The following PPFIA1 variants were observed in gnomAD, a reference collection of about 807,000 sequenced individuals.
The protein encoded by PPFIA1 is PPFI scaffold protein A1.
Under a neutral mutation model 149.9 loss-of-function variants are expected in PPFIA1, and 25 were observed. The observed-to-expected ratio is 0.17, with a 90% confidence interval of 0.12 to 0.23. The LOEUF (loss-of-function observed/expected upper bound fraction) is 0.23. Among genes scored for constraint, PPFIA1 ranks in the 10% least tolerant of loss-of-function variants. PPFIA1 has a pLI of 1.00. For missense variants in PPFIA1, 1,362 were observed against 1,506.5 expected (o/e 0.90, Z 1.59); for synonymous variants, 549 against 552.8 (o/e 0.99, Z 0.10).
At chr11:70,344,179 G>C (rs533285546) in intron 15 of PPFIA1, among the ~76,000 whole-genome samples, 27 of 152,338 alleles carry the variant, frequency 1.8e-4, no homozygotes, top group Admixed American at 1.2e-3. Flanking sequence ...CATAGCTGGA[G>C]GGTGCTGAAG....
At chr11:70,301,812 C>G (rs1275017065) in intron 2 of PPFIA1, among the ~76,000 whole-genome samples, 1 of 152,158 alleles carries the variant, frequency 6.6e-6, no homozygotes, top group East Asian at 1.9e-4. Context: ...GAGGGTGAAA[C>G]CATTCATAGA....
chr11:70,294,315 G>A (rs958959820), intron 2 of PPFIA1, among the ~76,000 whole-genome samples: 1 of 152,102 alleles, frequency 6.6e-6, no homozygotes, highest in South Asian at 2.1e-4. Context: ...GAAGACCTGA[G>A]TGAACGTTTG....
chr11:70,330,921 A>G (rs1019623089), intron 8 of PPFIA1, among the ~76,000 whole-genome samples: 1 of 152,062 alleles, frequency 6.6e-6, no homozygotes, highest in Non-Finnish European at 1.5e-5. Flanking sequence ...TGGGCCACAG[A>G]ACGAGACCCC....
chr11:70,273,407 G>C (rs748566017), intron 2 of PPFIA1, among the ~76,000 whole-genome samples: 6 of 152,330 alleles, frequency 3.9e-5, no homozygotes, highest in Middle Eastern at 6.8e-3. Context: ...AACTAGAAGA[G>C]TGTAAGGTGA....
At chr11:70,377,650 C>G (rs1184267367) in intron 25 of PPFIA1, among the ~76,000 whole-genome samples, 1 of 152,110 alleles carries the variant, frequency 6.6e-6, no homozygotes, top group Non-Finnish European at 1.5e-5. Context: ...GGCAACAGAT[C>G]TAGACTCTGT....
intron 24 of PPFIA1, among the ~76,000 whole-genome samples, chr11:70,376,256 TG>T (rs34918957): frequency 6.6e-6 from 1 of 152,250 alleles, no homozygotes; most frequent in African/African-American, 2.4e-5. Context: ...CCCAAAGTAC[TG>T]GGATTACAGG....
intron 26 of PPFIA1, among the ~76,000 whole-genome samples, chr11:70,380,748 A>AC (rs1240324504): frequency 6.6e-6 from 1 of 152,110 alleles, no homozygotes; most frequent in East Asian, 1.9e-4. Flanking sequence ...AAAAAAAAAA[A>AC]AAGTAAACCT....
chr11:70,324,406 TCGCAGCA>T lies in PPFIA1; in HGVS notation c.271_277del (p.Ala91LeufsTer22). On this transcript the variant is annotated frameshift_variant, in exon 3 of 28. Transcript: ENST00000253925. LOFTEE classifies it high-confidence loss of function. ...TTTTGTTTTGTGATTTTCTAGGAGT[TCGCAGCA>T]CTTACTAAAGAACTCAATGTATGCA... The T allele has an allele frequency of 6.2e-7, 1 of 1,604,758 alleles. No individual in the cohort carries two copies. The highest frequency in any genetic ancestry group is 8.5e-7 in the Non-Finnish European group (1 of 1,175,066).
rs570730004 is a variant in PPFIA1, at chr11:70,331,419, T to C, written c.1078-541T>C. ...AGTTATTTAGGAAAAGCAAACACTT[T>C]GACAAGAGGTGTTTTGCACATTGAA... On this transcript the variant is annotated intron_variant, in intron 8 of 27. Coordinates refer to ENST00000253925, the MANE Select transcript of PPFIA1 (RefSeq NM_003626.5). 3.9e-3 allele frequency among the ~76,000 whole-genome samples: 598 copies of C among 151,728 alleles called. 6 individuals are homozygous for C. Among genetic ancestry groups the C allele is most frequent in the Non-Finnish European group, 6.2e-3 (423 of 67,918 alleles).
intron 2 of PPFIA1, among the ~76,000 whole-genome samples, chr11:70,317,255 AT>A (rs970609592): frequency 4.4e-4 from 66 of 151,056 alleles, no homozygotes; most frequent in Admixed American, 7.3e-4. Flanking sequence ...GGTTCCTACT[AT>A]TTTTTTTTCT....
intron 2 of PPFIA1, chr11:70,321,144 T>G (rs2053915283): frequency 2.0e-5 from 3 of 152,204 alleles, no homozygotes. Context: ...AATGGAATAA[T>G]GTGCTTAGAA....
chr11:70,291,694 G>A (rs1012941359), intron 2 of PPFIA1, among the ~76,000 whole-genome samples: 5 of 152,060 alleles, frequency 3.3e-5, no homozygotes, highest in African/African-American at 7.2e-5. Flanking sequence ...TTTTGAGACA[G>A]GGTCTCACTC....
At chr11:70,348,803 C>T (rs897153905) in intron 16 of PPFIA1, among the ~76,000 whole-genome samples, 3 of 151,954 alleles carry the variant, frequency 2.0e-5, no homozygotes, top group South Asian at 2.1e-4. Flanking sequence ...CCCAGGAGGT[C>T]GAGGCTACAG....
chr11:70,312,556 G>A (rs1334883102), intron 2 of PPFIA1, among the ~76,000 whole-genome samples: 1 of 152,126 alleles, frequency 6.6e-6, no homozygotes, highest in African/African-American at 2.4e-5. Flanking sequence ...ATTCAGCAAG[G>A]TGAGGCCCAG....
intron 26 of PPFIA1, among the ~76,000 whole-genome samples, chr11:70,381,527 C>T (rs2057710925): frequency 6.6e-6 from 1 of 152,236 alleles, no homozygotes; most frequent in African/African-American, 2.4e-5. Context: ...GATCTCTGCA[C>T]CTGCTCTGCT....
chr11:70,354,275 A>G, intron 16 of PPFIA1, 26 bp from the exon 17 acceptor site: 3 of 1,592,536 alleles, frequency 1.9e-6, no homozygotes, highest in African/African-American at 1.4e-5. Context: ...GCTGTTAACT[A>G]ACTTTGCACT....
In PPFIA1 at chr11:70,348,390, G is replaced by T. The variant is rs747188390; in HGVS notation, c.2133G>T (p.Arg711=). Residue 711 remains arginine, a synonymous_variant, in exon 16 of 28, where the codon CGG becomes CGT. Coordinates refer to ENST00000253925, the MANE Select transcript of PPFIA1 (RefSeq NM_003626.5). ...TPRRIPHSPA[R]EVDRLGVMTL... is the part of the protein sequence containing the mutation. Reference sequence around the variant, plus strand: ...GAAGGATCCCTCACAGCCCAGCTCGGGAAGTGGACAGACTGGGCGTCATGA... The same window carrying T: ...GAAGGATCCCTCACAGCCCAGCTCGTGAAGTGGACAGACTGGGCGTCATGA... 2 of 1,613,308 alleles carry T rather than the reference G, an allele frequency of 1.2e-6. No individual in the cohort carries two copies. The highest frequency in any genetic ancestry group is 1.7e-6 in the Non-Finnish European group (2 of 1,179,256).
intron 14 of PPFIA1, among the ~76,000 whole-genome samples, chr11:70,341,548 G>C (rs947868859): frequency 2.0e-5 from 3 of 152,198 alleles, no homozygotes; most frequent in Non-Finnish European, 2.9e-5. Flanking sequence ...ACTGTCAGCT[G>C]TCCAGGGGAG....
At position 70,355,674 on chromosome 11, in the gene PPFIA1, C is replaced by G. The variant is rs1308555892; in HGVS notation, c.2351C>G (p.Pro784Arg). 6.2e-7 allele frequency: 1 copy of G among 1,613,388 alleles called. No homozygotes were observed. The highest frequency in any genetic ancestry group is 8.5e-7 in the Non-Finnish European group (1 of 1,179,816). Reference sequence around the variant, plus strand: ...TCCCAGGATGGTCCCGTGAGCAACCCCAGCAGTAGCAACAGTAGCCAGGAC... The same window carrying G: ...TCCCAGGATGGTCCCGTGAGCAACCGCAGCAGTAGCAACAGTAGCCAGGAC... ...TGSQDGPVSN[P>R]SSSNSSQDSL... is the part of the protein sequence containing the mutation. The change falls in exon 18 of 28, where the codon CCC becomes CGC. Residue 784 changes from proline (P) to arginine (R), a missense_variant. Physicochemically the swap from Pro to Arg is moderately radical, Grantham distance 103. Around this residue, in one of 7 missense-constraint regions of PPFIA1, gnomAD observed 733 missense variants for 744.1 expected, o/e 0.99. Transcript: ENST00000253925.
Sources: gnomAD v4.1 joint callset for allele counts (sites outside exome capture counted in the v4.1 genomes callset) on GRCh38, gnomAD v4.1.1 for gene constraint, gnomAD v4.1.1 regional missense constraint, MANE v1.5 for transcripts, NCBI Gene and HGNC (gene_info 2026-07-23, HGNC 2026-07-21) for gene names.